The following NCALD variants were observed in gnomAD, a reference collection of about 807,000 sequenced individuals.
NCALD encodes neurocalcin delta.
In NCALD, 10 loss-of-function variants were observed where a neutral mutation model predicts 18.6. The ratio of observed to expected loss-of-function variants is 0.54; its 90% CI spans 0.33 to 0.91. The LOEUF (loss-of-function observed/expected upper bound fraction) is 0.91. Ranked by LOEUF, NCALD falls within the 40% of genes least tolerant of loss-of-function variation. The probability of loss-of-function intolerance (pLI) is 0.03; values close to 1 mark genes in which losing one functional copy is unlikely to be tolerated. For missense variants in NCALD, 184 were observed against 247.6 expected (o/e 0.74, Z 1.72); for synonymous variants, 88 against 87.4 (o/e 1.01, Z -0.04).
intron 4 of NCALD, among the ~76,000 whole-genome samples, chr8:101,832,303 G>C (rs986567509): frequency 6.6e-6 from 1 of 152,056 alleles, no homozygotes; most frequent in Non-Finnish European, 1.5e-5. Flanking sequence ...TCCTCCTTGA[G>C]GCCTCTAACA....
At chr8:102,094,850 T>G (rs1255437449) in intron 1 of NCALD, among the ~76,000 whole-genome samples, 2 of 152,088 alleles carry the variant, frequency 1.3e-5, no homozygotes, top group Non-Finnish European at 2.9e-5. Context: ...GAGTGATGTG[T>G]CCACACGACA....
intron 1 of NCALD, among the ~76,000 whole-genome samples, chr8:102,032,591 C>T (rs987084431): frequency 1.6e-5 from 2 of 127,754 alleles, no homozygotes; most frequent in Admixed American, 9.3e-5. Context: ...AGATGGTCAT[C>T]GACTTGGAAA....
At chr8:101,759,027 T>G (rs1811005761) in intron 1 of NCALD, among the ~76,000 whole-genome samples, 1 of 152,186 alleles carries the variant, frequency 6.6e-6, no homozygotes, top group Non-Finnish European at 1.5e-5. Flanking sequence ...ACATCAATAT[T>G]TTTAACTCAT....
intron 2 of NCALD, among the ~76,000 whole-genome samples, chr8:102,003,838 C>T (rs887333044): frequency 4.6e-5 from 7 of 152,136 alleles, no homozygotes; most frequent in African/African-American, 1.7e-4. Context: ...ACCCTTCATG[C>T]TAAAACCTCT....
chr8:101,875,773 G>A (rs1816205540), intron 4 of NCALD, among the ~76,000 whole-genome samples: 1 of 152,168 alleles, frequency 6.6e-6, no homozygotes, highest in Admixed American at 6.5e-5. Flanking sequence ...ACCCCTCCCT[G>A]GGAAGGACAA....
intron 4 of NCALD, among the ~76,000 whole-genome samples, chr8:101,804,839 T>G (rs1299134580): frequency 6.6e-6 from 1 of 151,564 alleles, no homozygotes; most frequent in African/African-American, 2.4e-5. Context: ...TTTATTGCAA[T>G]GTTCACTTTC....
intron 1 of NCALD, among the ~76,000 whole-genome samples, chr8:101,733,714 C>A (rs1216855173): frequency 6.6e-6 from 1 of 152,118 alleles, no homozygotes; most frequent in Non-Finnish European, 1.5e-5. Context: ...GTGATAGATG[C>A]AAGAAAGAAC....
chr8:102,071,627 A>G (rs1824180971), intron 1 of NCALD, among the ~76,000 whole-genome samples: 1 of 152,258 alleles, frequency 6.6e-6, no homozygotes, highest in Non-Finnish European at 1.5e-5. Flanking sequence ...ATAAACAACT[A>G]CAAGAATATG....
At chr8:101,934,736 C>T (rs541768235) in intron 2 of NCALD, among the ~76,000 whole-genome samples, 14 of 152,238 alleles carry the variant, frequency 9.2e-5, no homozygotes, top group South Asian at 6.2e-4. Context: ...GTGGAGGCAG[C>T]GTGCTGCACT....
intron 2 of NCALD, among the ~76,000 whole-genome samples, chr8:101,959,434 T>C (rs1819756229): frequency 6.6e-6 from 1 of 152,200 alleles, no homozygotes; most frequent in Non-Finnish European, 1.5e-5. Flanking sequence ...CTCATTTTTC[T>C]TTTGTAATAT....
At chr8:101,727,778 C>T (rs772664884) in intron 1 of NCALD, among the ~76,000 whole-genome samples, 1 of 152,246 alleles carries the variant, frequency 6.6e-6, no homozygotes, top group Non-Finnish European at 1.5e-5. Context: ...TGAGCTGGCC[C>T]TGGGCCATCT....
At chr8:102,018,088 C>A (rs888613302) in intron 2 of NCALD, among the ~76,000 whole-genome samples, 2 of 152,094 alleles carry the variant, frequency 1.3e-5, no homozygotes, top group African/African-American at 4.8e-5. Flanking sequence ...ATACCAAGTG[C>A]TAGAGGAGCT....
chr8:101,785,640 G>A (rs1297010730), intron 1 of NCALD, among the ~76,000 whole-genome samples: 1 of 152,092 alleles, frequency 6.6e-6, no homozygotes, highest in Non-Finnish European at 1.5e-5. Context: ...GTCCTGACTG[G>A]GTTAGTACAG....
Position 101,899,405 on chromosome 8 carries a change from C to T in NCALD, c.-106-12178G>A, listed in dbSNP as rs941715026. ...GGATTTTATTTCCTCTTCTCTATTG[C>T]ATGTCAAACTTTCAGTACTATATTG... On this transcript the variant is annotated intron_variant, in intron 3 of 6. Transcript: ENST00000311028. Among the ~76,000 whole-genome samples, 3 of 152,026 alleles carry T rather than the reference C, an allele frequency of 2.0e-5. No homozygotes were observed. The South Asian group carries it at 6.2e-4, about 32-fold the overall frequency.
intron 2 of NCALD, among the ~76,000 whole-genome samples, chr8:101,709,198 C>A (rs116354900): frequency 2.0e-5 from 3 of 152,100 alleles, no homozygotes; most frequent in Non-Finnish European, 4.4e-5. Flanking sequence ...TTGGGTACGC[C>A]CTACGTAAAT....
At chr8:102,005,663 G>A (rs1821673376) in intron 2 of NCALD, among the ~76,000 whole-genome samples, 1 of 152,130 alleles carries the variant, frequency 6.6e-6, no homozygotes, top group South Asian at 2.1e-4. Flanking sequence ...TTAAGAAAAT[G>A]TGGCACATAT....
intron 2 of NCALD, among the ~76,000 whole-genome samples, chr8:101,705,603 CAGG>C (rs1423444171): frequency 6.6e-6 from 1 of 152,092 alleles, no homozygotes; most frequent in East Asian, 1.9e-4. Flanking sequence ...TAGGGGTGGA[CAGG>C]AGAAGTGATG....
chr8:101,872,030 T>C lies in NCALD; in HGVS notation c.-20+15111A>G. The C allele has an allele frequency of 3.5e-6, 4 of 1,156,194 alleles. No homozygotes were observed. The Admixed American group carries it at 5.1e-5, about 15-fold the overall frequency. The allele number at this position is 1,156,194 out of a possible 1,614,324, so 71.6% of individuals were successfully genotyped here. On this transcript the variant is annotated intron_variant, in intron 4 of 6. Coordinates refer to the NCALD transcript ENST00000311028. ...AGAGGACCGATCAACTGAGCCTTGA[T>C]GTCTCCTTCCAAGTAAACAAATACC...
At chr8:102,122,308 G>A (rs1255799424) in intron 1 of NCALD, among the ~76,000 whole-genome samples, 1 of 152,210 alleles carries the variant, frequency 6.6e-6, no homozygotes, top group Non-Finnish European at 1.5e-5. Context: ...GGGTGGGACC[G>A]TGAAAGTCCC....
Sources: gnomAD v4.1 joint callset for allele counts (sites outside exome capture counted in the v4.1 genomes callset) on GRCh38, gnomAD v4.1.1 for gene constraint, MANE v1.5 for transcripts, NCBI Gene and HGNC (gene_info 2026-07-23, HGNC 2026-07-21) for gene names.